The following VKORC1L1 variants were observed in gnomAD, a reference collection of about 807,000 sequenced individuals.
VKORC1L1 encodes the protein vitamin K epoxide reductase complex subunit 1-like protein 1.
A neutral mutation model predicts 18.9 loss-of-function variants in VKORC1L1; 2 were observed. The observed-to-expected ratio is 0.11, with a 90% CI of 0.04 to 0.33. The LOEUF is 0.33. Ranked by LOEUF, VKORC1L1 falls within the 10% of genes least tolerant of loss-of-function variation. The probability of loss-of-function intolerance (pLI) is 1.00; values close to 1 mark genes in which losing one functional copy is unlikely to be tolerated. For synonymous variants in VKORC1L1, 96 were observed against 100.0 expected (o/e 0.96, Z 0.24); for missense variants, 123 against 224.1 (o/e 0.55, Z 2.88).
chr7:65,943,856 G>T (rs1205186187), intron 1 of VKORC1L1, among the ~76,000 whole-genome samples: 1 of 152,096 alleles, frequency 6.6e-6, no homozygotes, highest in African/African-American at 2.4e-5. Context: ...AATAAATGTT[G>T]ATATTCTTAA....
intron 1 of VKORC1L1, among the ~76,000 whole-genome samples, chr7:65,920,815 G>A (rs1316822254): frequency 2.0e-5 from 3 of 149,978 alleles, no homozygotes; most frequent in Non-Finnish European, 4.4e-5. Flanking sequence ...GGGCAACATA[G>A]TCCCTGTTTT....
At chr7:65,870,736 A>T (rs1244259035), upstream of VKORC1L1, among the ~76,000 whole-genome samples, 1 of 152,208 alleles carries the variant, frequency 6.6e-6, no homozygotes, top group Non-Finnish European at 1.5e-5. Flanking sequence ...GCAGGAGTCT[A>T]CTTAGATTTA....
chr7:65,932,178 A>G (rs913759298), intron 1 of VKORC1L1, among the ~76,000 whole-genome samples: 5 of 147,276 alleles, frequency 3.4e-5, no homozygotes, highest in African/African-American at 1.3e-4. Context: ...GCTCATGGCA[A>G]CCTCTGCCTC....
At chr7:65,895,951 A>G (rs1789203531) in intron 1 of VKORC1L1, among the ~76,000 whole-genome samples, 2 of 135,288 alleles carry the variant, frequency 1.5e-5, no homozygotes, top group South Asian at 4.6e-4. Flanking sequence ...GCTGGAGTGC[A>G]GTGGCGTGAT....
chr7:65,913,678 G>T (rs1308486679), intron 1 of VKORC1L1, among the ~76,000 whole-genome samples: 1 of 135,920 alleles, frequency 7.4e-6, no homozygotes, highest in African/African-American at 2.8e-5. Context: ...GGTGAGCCGA[G>T]ATCGGGCCAC....
At chr7:65,876,724 A>G (rs541621434) in intron 1 of VKORC1L1, among the ~76,000 whole-genome samples, 1 of 152,110 alleles carries the variant, frequency 6.6e-6, no homozygotes, top group East Asian at 1.9e-4. Context: ...ATGGTGCCTC[A>G]GTTTCTTATG....
At chr7:65,903,491 T>C (rs1471983001) in intron 1 of VKORC1L1, among the ~76,000 whole-genome samples, 1 of 151,916 alleles carries the variant, frequency 6.6e-6, no homozygotes, top group African/African-American at 2.4e-5. Flanking sequence ...AAGTGCTTTT[T>C]AAAAAAGACT....
At chr7:65,925,206 ACTC>A (rs1277237483) in intron 1 of VKORC1L1, among the ~76,000 whole-genome samples, 2 of 152,138 alleles carry the variant, frequency 1.3e-5, no homozygotes, top group Non-Finnish European at 2.9e-5. Context: ...TCAAAACTCA[ACTC>A]AGTCATCTGT....
At chr7:65,891,763 G>C (rs1789114146) in intron 1 of VKORC1L1, among the ~76,000 whole-genome samples, 1 of 152,168 alleles carries the variant, frequency 6.6e-6, no homozygotes, top group South Asian at 2.1e-4. Context: ...AATTAGGGTA[G>C]AGTACCCCAT....
upstream of VKORC1L1, among the ~76,000 whole-genome samples, chr7:65,873,030 C>A (rs1177252380): frequency 2.0e-5 from 3 of 147,484 alleles, no homozygotes. Flanking sequence ...CGGGCTCCAC[C>A]CCTCGCGCGC....
intron 1 of VKORC1L1, among the ~76,000 whole-genome samples, chr7:65,892,878 A>G (rs140731357): frequency 6.6e-6 from 1 of 152,286 alleles, no homozygotes; most frequent in East Asian, 1.9e-4. Flanking sequence ...AGCAATTCTC[A>G]AAGTGTGGTC....
In VKORC1L1 at chr7:65,954,496, G is replaced by A. The variant is rs772485326; in HGVS notation, c.*196G>A. On this transcript the variant is annotated 3_prime_UTR_variant, in exon 3 of 3. Coordinates refer to ENST00000360768, the MANE Select transcript of VKORC1L1 (RefSeq NM_173517.6). ...TGTGTCAGTCTTCATTTTAAATATG[G>A]ATACAAAAAGGATACGCCGAGCCAA... is the stretch of plus-strand genomic sequence containing the variant. The A allele has an allele frequency of 7.1e-4, 672 of 952,734 alleles. 5 individuals carry two copies. Among genetic ancestry groups the A allele is most frequent in the Middle Eastern group, 5.4e-3 (15 of 2,780 alleles). The allele number at this position is 952,734 out of a possible 1,614,324, so 59.0% of individuals were successfully genotyped here. A position where few individuals can be genotyped will look rare whatever the true frequency, so the allele number is the denominator to read the frequency against.
intron 1 of VKORC1L1, among the ~76,000 whole-genome samples, chr7:65,901,787 T>C (rs1789321857): frequency 6.6e-6 from 1 of 152,088 alleles, no homozygotes; most frequent in South Asian, 2.1e-4. Flanking sequence ...AGTCCTGATC[T>C]ACAGGTGCAT....
At chr7:65,894,498 G>T (rs2116368490) in intron 1 of VKORC1L1, among the ~76,000 whole-genome samples, 1 of 152,274 alleles carries the variant, frequency 6.6e-6, no homozygotes, top group South Asian at 2.1e-4. Flanking sequence ...GGAGGCCAAG[G>T]CAGGTGGATC....
intron 1 of VKORC1L1, among the ~76,000 whole-genome samples, chr7:65,908,365 A>G (rs1789440681): frequency 6.6e-6 from 1 of 152,132 alleles, no homozygotes; most frequent in African/African-American, 2.4e-5. Flanking sequence ...GTGAGCCGAG[A>G]TCGCGCCACT....
chr7:65,875,642 C>T (rs1005040687), intron 1 of VKORC1L1, among the ~76,000 whole-genome samples: 2 of 152,034 alleles, frequency 1.3e-5, no homozygotes, highest in South Asian at 2.1e-4. Context: ...TGGTCTCGAT[C>T]TCCTGACCTC....
intron 2 of VKORC1L1, among the ~76,000 whole-genome samples, chr7:65,951,112 C>T (rs772572783): frequency 2.6e-5 from 4 of 152,114 alleles, no homozygotes; most frequent in South Asian, 2.1e-4. Flanking sequence ...TTTTTTGACT[C>T]GCATTTAGAT....
At position 65,895,480 on chromosome 7, in the gene VKORC1L1, A is replaced by T. The variant is rs7784768; in HGVS notation, c.194+21915A>T. On this transcript the variant is annotated intron_variant, in intron 1 of 2. Transcript: ENST00000360768. ...AAAAAAAAAAAAAAAAAAAAAAAAA[A>T]ATATATATATATATATATATATATA... Among the ~76,000 whole-genome samples the T allele has an allele frequency of 9.8e-3, 416 of 42,446 alleles. 2 individuals carry two copies. Among genetic ancestry groups the T allele is most frequent in the East Asian group, 0.036 (40 of 1,098 alleles). 27.8% of individuals were successfully genotyped at this position (42,446 alleles called of 152,430 possible). A position where few individuals can be genotyped will look rare whatever the true frequency, so the allele number is the denominator to read the frequency against.
chr7:65,948,878 A>G, intron 2 of VKORC1L1, 98 bp downstream of exon 2: 4 of 1,451,672 alleles, frequency 2.8e-6, no homozygotes, highest in Non-Finnish European at 3.8e-6. Flanking sequence ...TGTGTTATTT[A>G]TAGAACCACT....
Sources: allele counts gnomAD v4.1 joint callset (sites outside exome capture counted in the v4.1 genomes callset), GRCh38; gene constraint gnomAD v4.1.1; transcripts MANE v1.5; gene names NCBI Gene and HGNC (gene_info 2026-07-23, HGNC 2026-07-21).